COMMD1: variants seen among roughly 807,000 people sequenced by gnomAD.
The protein encoded by COMMD1 is copper metabolism domain containing 1, also known as COMM domain-containing protein 1.
COMMD1 carries 10 observed loss-of-function variants against 17.2 expected under a neutral mutation model. That is an observed-to-expected ratio of 0.58 (90% CI 0.36 to 0.99). COMMD1 has a LOEUF of 0.99. Among genes scored for constraint, COMMD1 ranks in the 50% least tolerant of loss-of-function variants. The probability of loss-of-function intolerance (pLI) is 0.01; values close to 1 mark genes in which losing one functional copy is unlikely to be tolerated. For missense variants in COMMD1, 270 were observed against 231.8 expected, an observed-to-expected ratio of 1.17 and a Z score of -1.07; for synonymous variants, 97 against 91.6, an observed-to-expected ratio of 1.06 and a Z score of -0.34.
rs1436631801 is a variant in COMMD1 at position 61,973,049 on chromosome 2, A to T, written c.181-27652A>T. On this transcript the variant is annotated intron_variant, in intron 1 of 2. Transcript: ENST00000311832. Reference sequence around the variant, plus strand: ...TTGTCTGCAATTTGCTTTTTTTGTTATTATTGTTCAATTTTGGTGTTTGTG... The same window carrying T: ...TTGTCTGCAATTTGCTTTTTTTGTTTTTATTGTTCAATTTTGGTGTTTGTG... Among the ~76,000 whole-genome samples, 3 of 151,912 alleles carry T rather than the reference A, an allele frequency of 2.0e-5. No individual in the cohort carries two copies. In the East Asian group the frequency reaches 5.8e-4, roughly 29 times the overall value.
intron 1 of COMMD1, among the ~76,000 whole-genome samples, chr2:61,947,239 T>C (rs1670930893): frequency 6.6e-6 from 1 of 152,224 alleles, no homozygotes; most frequent in Non-Finnish European, 1.5e-5. Context: ...TGTTTCAGTA[T>C]TTTATTTTAC....
At chr2:61,900,244 A>G (rs1669630649) in intron 1 of COMMD1, among the ~76,000 whole-genome samples, 1 of 152,216 alleles carries the variant, frequency 6.6e-6, no homozygotes, top group African/African-American at 2.4e-5. Flanking sequence ...AACACATGGA[A>G]GGTGTACATT....
At chr2:61,931,493 C>T (rs1430730608) in intron 1 of COMMD1, among the ~76,000 whole-genome samples, 2 of 152,162 alleles carry the variant, frequency 1.3e-5, no homozygotes, top group African/African-American at 4.8e-5. Context: ...GGAAGAAGAC[C>T]TCAAAGTTCT....
intron 2 of COMMD1, among the ~76,000 whole-genome samples, chr2:62,111,514 A>G (rs1052325170): frequency 6.6e-6 from 1 of 152,180 alleles, no homozygotes; most frequent in Non-Finnish European, 1.5e-5. Flanking sequence ...CTGTCTGTAT[A>G]GCATTCCTTC....
chr2:61,983,100 A>G (rs1214396758), intron 1 of COMMD1, among the ~76,000 whole-genome samples: 2 of 151,804 alleles, frequency 1.3e-5, no homozygotes, highest in African/African-American at 4.8e-5. Flanking sequence ...TAGGATTGGT[A>G]TTAATTCTTC....
At chr2:62,123,110 G>A (rs1439138885) in intron 2 of COMMD1, among the ~76,000 whole-genome samples, 2 of 152,176 alleles carry the variant, frequency 1.3e-5, no homozygotes, top group African/African-American at 4.8e-5. Context: ...TATAATCCCA[G>A]CTACTTGGGA....
At chr2:62,072,005 T>TA (rs70946780) in intron 2 of COMMD1, among the ~76,000 whole-genome samples, 13 of 152,174 alleles carry the variant, frequency 8.5e-5, no homozygotes, top group Non-Finnish European at 1.8e-4. Context: ...TTTTTTTTTT[T>TA]AATTAACCCA....
rs189051566 is a variant in COMMD1 at position 61,920,182 on chromosome 2, C to T, written c.180+14324C>T. 5.3e-5 allele frequency among the ~76,000 whole-genome samples: 8 copies of T among 152,196 alleles called. No individual in the cohort carries two copies. The East Asian group carries it at 1.5e-3, about 29-fold the overall frequency. On this transcript the variant is annotated intron_variant, in intron 1 of 2. Coordinates refer to ENST00000311832, the MANE Select transcript of COMMD1 (RefSeq NM_152516.4). ...ATTTCCACAGGCTCAGGAATATTCTCCTGTTTAGACCTATGAATTTCAGCT... is the reference window on the plus strand; with the variant it reads ...ATTTCCACAGGCTCAGGAATATTCTTCTGTTTAGACCTATGAATTTCAGCT...
intron 2 of COMMD1, among the ~76,000 whole-genome samples, chr2:62,108,614 G>A (rs1385637505): frequency 6.6e-6 from 1 of 152,100 alleles, no homozygotes; most frequent in Non-Finnish European, 1.5e-5. Context: ...AATCATCTCA[G>A]GTGATTAAGA....
At chr2:62,047,104 G>T (rs905978526) in intron 2 of COMMD1, among the ~76,000 whole-genome samples, 8 of 152,258 alleles carry the variant, frequency 5.3e-5, no homozygotes, top group African/African-American at 1.9e-4. Flanking sequence ...CAGAAATGAA[G>T]AACATACCTT....
At chr2:62,083,666 G>A (rs749188182) in intron 2 of COMMD1, among the ~76,000 whole-genome samples, 2 of 152,222 alleles carry the variant, frequency 1.3e-5, no homozygotes, top group Non-Finnish European at 2.9e-5. Flanking sequence ...TAAGTCTAGA[G>A]ATCTCATTAG....
intron 2 of COMMD1, among the ~76,000 whole-genome samples, chr2:62,023,888 T>C (rs1319078836): frequency 1.3e-5 from 2 of 152,190 alleles, no homozygotes; most frequent in Non-Finnish European, 1.5e-5. Flanking sequence ...TGGTTATATC[T>C]ACTCTATGGA....
intron 2 of COMMD1, among the ~76,000 whole-genome samples, chr2:62,049,289 A>G (rs991018977): frequency 1.3e-5 from 2 of 152,078 alleles, no homozygotes; most frequent in East Asian, 1.9e-4. Context: ...AAACTCAGCT[A>G]TGCTCTTAGA....
intron 2 of COMMD1, among the ~76,000 whole-genome samples, chr2:62,099,284 CT>C (rs1672106930): frequency 6.6e-6 from 1 of 152,086 alleles, no homozygotes; most frequent in South Asian, 2.1e-4. Flanking sequence ...ATCGTTTCCT[CT>C]TTTTGATGAT....
intron 2 of COMMD1, among the ~76,000 whole-genome samples, chr2:62,059,610 G>A (rs1050746816): frequency 5.8e-4 from 88 of 152,254 alleles, no homozygotes; most frequent in African/African-American, 2.0e-3. Context: ...TGGCTGGAGT[G>A]CAGTGGCTAT....
At chr2:62,022,848 C>T (rs1291615511) in intron 2 of COMMD1, among the ~76,000 whole-genome samples, 1 of 152,042 alleles carries the variant, frequency 6.6e-6, no homozygotes, top group Non-Finnish European at 1.5e-5. Context: ...GTTTAGAGTC[C>T]AATGTAAGTG....
At chr2:62,038,756 C>G (rs1415975897) in intron 2 of COMMD1, among the ~76,000 whole-genome samples, 1 of 151,970 alleles carries the variant, frequency 6.6e-6, no homozygotes, top group Admixed American at 6.6e-5. Context: ...ACCATGTTGC[C>G]CAGGCTGATC....
At chr2:61,987,141 T>C (rs1441763734) in intron 1 of COMMD1, among the ~76,000 whole-genome samples, 2 of 152,234 alleles carry the variant, frequency 1.3e-5, no homozygotes, top group Admixed American at 6.5e-5. Context: ...TTGAATTTTC[T>C]GTCTGAAGGA....
chr2:61,888,653 G>GA, upstream of COMMD1: 1 of 943,014 alleles, frequency 1.1e-6, no homozygotes, highest in Non-Finnish European at 1.5e-6. Context: ...CGGAGGCGGA[G>GA]AAGGGGGCCT....
Sources: allele counts gnomAD v4.1 joint callset (sites outside exome capture counted in the v4.1 genomes callset), GRCh38; gene constraint gnomAD v4.1.1; transcripts MANE v1.5; gene names NCBI Gene and HGNC (gene_info 2026-07-23, HGNC 2026-07-21).